PTPN4: variants seen among roughly 807,000 people sequenced by gnomAD.
The protein encoded by PTPN4 is protein tyrosine phosphatase non-receptor type 4, also known as tyrosine-protein phosphatase non-receptor type 4.
In PTPN4, 49 loss-of-function variants were observed where a neutral mutation model predicts 135.5. The observed-to-expected ratio is 0.36, with a 90% CI of 0.29 to 0.46. PTPN4 has a LOEUF of 0.46. PTPN4 is among the 20% of genes least tolerant of loss of function. PTPN4 has a pLI of 1.00. For synonymous variants in PTPN4, 333 were observed against 369.9 expected, an observed-to-expected ratio of 0.90 and a Z score of 1.14; for missense variants, 860 against 1,101.0, an observed-to-expected ratio of 0.78 and a Z score of 3.10.
chr2:119,889,201 C>T (rs535829945), intron 9 of PTPN4, among the ~76,000 whole-genome samples: 47 of 152,210 alleles, frequency 3.1e-4, no homozygotes, highest in African/African-American at 1.1e-3. Context: ...GGGCGGATCA[C>T]GAGGTCAGGA....
chr2:119,861,033 C>T (rs908214970), intron 2 of PTPN4, among the ~76,000 whole-genome samples: 7 of 144,024 alleles, frequency 4.9e-5, no homozygotes, highest in African/African-American at 7.8e-5. Flanking sequence ...GCAACAAGAG[C>T]GAAACTCCAT....
chr2:119,932,364 A>T, intron 13 of PTPN4, 60 bp from the exon 14 acceptor site: 1 of 1,418,310 alleles, frequency 7.1e-7, no homozygotes, highest in Non-Finnish European at 9.5e-7. Context: ...GTAGGATTTG[A>T]TTCATGGTTT....
Position 119,945,167 on chromosome 2 carries a change from C to T in PTPN4, c.1442C>T (p.Ser481Leu). The change falls in exon 16 of 27, where the codon TCA (serine) becomes TTA (leucine). Residue 481 changes from serine (S) to leucine (L), a missense_variant. Physicochemically the swap from Ser to Leu is moderately radical, Grantham distance 145 (BLOSUM62 -2). Around this residue, in one of 2 missense-constraint regions of PTPN4, gnomAD observed 684 missense variants for 807.0 expected, o/e 0.85. Transcript: ENST00000263708. Reference protein sequence around the residue: ...KKNSWNQIHYSHSQQDLESHI... With the variant: ...KKNSWNQIHYLHSQQDLESHI... Reference sequence around the variant, plus strand: ...AACAGTTGGAACCAAATTCATTATTCACATTCGCAACAAGATCTAGAAAGT... The same window carrying T: ...AACAGTTGGAACCAAATTCATTATTTACATTCGCAACAAGATCTAGAAAGT... 6.3e-7 allele frequency: 1 copy of T among 1,598,202 alleles called. No homozygotes were observed.
intron 1 of PTPN4, among the ~76,000 whole-genome samples, chr2:119,766,452 GTGT>G (rs1690626005): frequency 2.4e-5 from 1 of 42,382 alleles, no homozygotes; most frequent in Non-Finnish European, 6.2e-5. Flanking sequence ...GTGCGCGCGT[GTGT>G]GTGTGTGTGT....
chr2:119,865,027 AAACT>A (rs777242122), intron 3 of PTPN4, among the ~76,000 whole-genome samples: 1 of 152,154 alleles, frequency 6.6e-6, no homozygotes, highest in Non-Finnish European at 1.5e-5. Context: ...GGCATTAGTG[AAACT>A]AGGACCTGGA....
chr2:119,883,591 AG>A (rs1574386555), intron 8 of PTPN4, among the ~76,000 whole-genome samples: 2 of 152,318 alleles, frequency 1.3e-5, no homozygotes, highest in Non-Finnish European at 2.9e-5. Flanking sequence ...AAACTAAGGC[AG>A]TGTTGCGTAT....
At chr2:119,882,387 A>T (rs1178384138) in intron 7 of PTPN4, 116 bp from the exon 8 acceptor site, 2 of 1,128,864 alleles carry the variant, frequency 1.8e-6, no homozygotes, top group South Asian at 1.6e-5. Context: ...TTAAGTGGTT[A>T]TATTAGAAAC....
chr2:119,766,876 A>G (rs569400021), intron 1 of PTPN4, among the ~76,000 whole-genome samples: 1 of 152,204 alleles, frequency 6.6e-6, no homozygotes, highest in East Asian at 1.9e-4. Flanking sequence ...AGATGATGCT[A>G]GGATTTCTTC....
At chr2:119,808,178 C>T (rs553451497) in intron 1 of PTPN4, among the ~76,000 whole-genome samples, 1 of 152,306 alleles carries the variant, frequency 6.6e-6, no homozygotes, top group Admixed American at 6.5e-5. Flanking sequence ...GACAGGGATG[C>T]CCTCTCTCAA....
At chr2:119,916,883 CCA>C (rs1678661359) in intron 11 of PTPN4, among the ~76,000 whole-genome samples, 2 of 152,144 alleles carry the variant, frequency 1.3e-5, no homozygotes. Flanking sequence ...AATGACTATG[CCA>C]TAAATTATTA....
intron 3 of PTPN4, among the ~76,000 whole-genome samples, chr2:119,875,810 C>T (rs1450795710): frequency 6.6e-6 from 1 of 152,132 alleles, no homozygotes; most frequent in Non-Finnish European, 1.5e-5. Flanking sequence ...ACTGAAACAG[C>T]TTTTATCCCT....
At chr2:119,765,936 G>GCA (rs1690608025) in intron 1 of PTPN4, among the ~76,000 whole-genome samples, 1 of 152,030 alleles carries the variant, frequency 6.6e-6, no homozygotes, top group African/African-American at 2.4e-5. Context: ...GTGTGTGTGC[G>GCA]CGCGCGCATG....
chr2:119,867,644 ATAGAAT>A (rs1558749432), intron 3 of PTPN4, among the ~76,000 whole-genome samples: 2 of 152,136 alleles, frequency 1.3e-5, no homozygotes, highest in African/African-American at 4.8e-5. Flanking sequence ...TGTAAATTCT[ATAGAAT>A]TTTGTACCTA....
chr2:119,790,728 A>G (rs1003249540), intron 1 of PTPN4, among the ~76,000 whole-genome samples: 1 of 151,814 alleles, frequency 6.6e-6, no homozygotes, highest in African/African-American at 2.4e-5. Flanking sequence ...AATGTTTTAT[A>G]TGTCTTTGGT....
intron 2 of PTPN4, among the ~76,000 whole-genome samples, chr2:119,826,652 C>G (rs574266244): frequency 6.6e-6 from 1 of 152,262 alleles, no homozygotes; most frequent in Admixed American, 6.5e-5. Context: ...GATCCTAATA[C>G]AAAATATTGA....
chr2:119,870,868 T>G (rs563967560), intron 3 of PTPN4, among the ~76,000 whole-genome samples: 1 of 152,096 alleles, frequency 6.6e-6, no homozygotes, highest in Non-Finnish European at 1.5e-5. Flanking sequence ...GTTATGATCA[T>G]CCTAGGCAAC....
chr2:119,806,721 C>T lies in PTPN4; in HGVS notation c.-17-3116C>T, dbSNP rs186622361. On this transcript the variant is annotated intron_variant, in intron 1 of 26. Transcript: ENST00000263708. ...GGATTGAACTCAGCGCTGCACCAAG[C>T]GGACCTAATAGACATCTACAGAACT... 8.5e-5 allele frequency among the ~76,000 whole-genome samples: 13 copies of T among 152,232 alleles called. No homozygotes were observed. The South Asian group carries it at 1.9e-3, about 22-fold the overall frequency.
intron 15 of PTPN4, among the ~76,000 whole-genome samples, chr2:119,941,412 A>AGTGTGT (rs3084705): frequency 0.021 from 3,055 of 148,812 alleles, 45 homozygotes; most frequent in East Asian, 0.034. Context: ...TAGACTTCAG[A>AGTGTGT]GTGTGTGTGT....
intron 9 of PTPN4, among the ~76,000 whole-genome samples, chr2:119,888,742 C>A (rs1250198039): frequency 6.6e-6 from 1 of 152,060 alleles, no homozygotes; most frequent in Non-Finnish European, 1.5e-5. Context: ...GTACTTTGTT[C>A]AAGATGTTGG....
Sources: gnomAD v4.1 joint callset for allele counts (sites outside exome capture counted in the v4.1 genomes callset) on GRCh38, gnomAD v4.1.1 for gene constraint, gnomAD v4.1.1 regional missense constraint, MANE v1.5 for transcripts, NCBI Gene and HGNC (gene_info 2026-07-23, HGNC 2026-07-21) for gene names.